NRXN3: variants seen among roughly 807,000 people sequenced by gnomAD.
NRXN3 encodes the protein neurexin III.
NRXN3 carries 32 observed loss-of-function variants against 137.6 expected under a neutral mutation model. The ratio of observed to expected loss-of-function variants is 0.23; its 90% CI spans 0.18 to 0.31. NRXN3 has a LOEUF of 0.31. Among genes scored for constraint, NRXN3 ranks in the 10% least tolerant of loss-of-function variants. NRXN3 has a pLI of 1.00. For synonymous variants in NRXN3, 798 were observed against 784.5 expected (o/e 1.02, Z -0.29); for missense variants, 1,574 against 2,062.5 (o/e 0.76, Z 4.59).
At chr14:79,657,363 C>G (rs1414368578) in intron 16 of NRXN3, among the ~76,000 whole-genome samples, 2 of 152,174 alleles carry the variant, frequency 1.3e-5, no homozygotes, top group Non-Finnish European at 2.9e-5. Flanking sequence ...CACACTTCAG[C>G]TTCTCAAGGG....
chr14:79,537,999 T>C (rs2097230666), intron 16 of NRXN3, among the ~76,000 whole-genome samples: 1 of 152,208 alleles, frequency 6.6e-6, no homozygotes, highest in African/African-American at 2.4e-5. Context: ...TGGTATGAGA[T>C]GGTGTCTCAT....
chr14:79,446,961 T>A (rs989091060), intron 15 of NRXN3, among the ~76,000 whole-genome samples: 4 of 152,218 alleles, frequency 2.6e-5, no homozygotes, highest in African/African-American at 9.7e-5. Context: ...CTTGCATTAC[T>A]GAAATTTTAT....
chr14:79,361,859 G>A (rs1202840665), intron 15 of NRXN3, among the ~76,000 whole-genome samples: 2 of 152,056 alleles, frequency 1.3e-5, no homozygotes, highest in Non-Finnish European at 2.9e-5. Flanking sequence ...AATGGAATGG[G>A]AGGGCTAACA....
At chr14:79,734,932 T>G (rs1427234361) in intron 19 of NRXN3, among the ~76,000 whole-genome samples, 1 of 152,192 alleles carries the variant, frequency 6.6e-6, no homozygotes, top group Non-Finnish European at 1.5e-5. Context: ...AAAGCCTCAG[T>G]TGAAGAATTC....
At chr14:78,504,157 C>A (rs1012649030) in intron 4 of NRXN3, among the ~76,000 whole-genome samples, 1 of 152,132 alleles carries the variant, frequency 6.6e-6, no homozygotes, top group Non-Finnish European at 1.5e-5. Flanking sequence ...CCTGAGACTA[C>A]GTTATGTGGA....
chr14:78,713,943 C>T (rs2098420437), intron 7 of NRXN3, among the ~76,000 whole-genome samples: 1 of 152,150 alleles, frequency 6.6e-6, no homozygotes, highest in African/African-American at 2.4e-5. Context: ...CACAGCCAAA[C>T]CATATCATTT....
At chr14:78,265,651 A>G (rs2071566800) in intron 2 of NRXN3, among the ~76,000 whole-genome samples, 2 of 152,002 alleles carry the variant, frequency 1.3e-5, no homozygotes, top group African/African-American at 4.8e-5. Context: ...CTTCTCCCAG[A>G]CTCCCAGTCC....
At chr14:78,560,956 A>C (rs922603206) in intron 4 of NRXN3, among the ~76,000 whole-genome samples, 1 of 152,226 alleles carries the variant, frequency 6.6e-6, no homozygotes, top group Non-Finnish European at 1.5e-5. Context: ...GCTTTTTCGC[A>C]TCATGGTGAT....
chr14:78,804,297 A>C, intron 9 of NRXN3, among the ~76,000 whole-genome samples: 1 of 152,198 alleles, frequency 6.6e-6, no homozygotes, highest in East Asian at 1.9e-4. Flanking sequence ...CTAGCTCCAC[A>C]GCTACTATTC....
At chr14:78,547,049 A>G (rs2096642552) in intron 4 of NRXN3, among the ~76,000 whole-genome samples, 1 of 152,128 alleles carries the variant, frequency 6.6e-6, no homozygotes. Context: ...TTTTCTTGTC[A>G]TTTATTAAAT....
At chr14:79,851,259 G>A (rs2099390766) in intron 20 of NRXN3, among the ~76,000 whole-genome samples, 1 of 152,018 alleles carries the variant, frequency 6.6e-6, no homozygotes, top group Admixed American at 6.6e-5. Context: ...TTTTGAGACC[G>A]ACCATATATG....
At position 79,007,805 on chromosome 14, in the gene NRXN3, CAAAAAAAAAAAA is replaced by C. The variant is rs1160867331; in HGVS notation, c.3262+19676_3262+19687del. ...TGGATGACAGAGCTAGACTCCATCTCAAAAAAAAAAAAAAAAAAAAAAAGCAGAAAAATGTGT... is the reference window on the plus strand; with the variant it reads ...TGGATGACAGAGCTAGACTCCATCTCAAAAAAAAAAAGCAGAAAAATGTGT... On this transcript the variant is annotated intron_variant, in intron 15 of 20. Coordinates refer to ENST00000335750, the MANE Select transcript of NRXN3 (RefSeq NM_001330195.2). Among the ~76,000 whole-genome samples the C allele has an allele frequency of 1.1e-4, 4 of 37,992 alleles. No individual in the cohort carries two copies. The South Asian group carries it at 3.1e-3, about 30-fold the overall frequency. 24.9% of individuals were successfully genotyped at this position (37,992 alleles called of 152,430 possible). A position where few individuals can be genotyped will look rare whatever the true frequency, so the allele number is the denominator to read the frequency against.
rs1273890106 is a variant in NRXN3 at position 79,867,089 on chromosome 14, A to T, written c.*5125A>T. ...TTTCTAATTGTGTTTATTACAAAGA[A>T]AACAGACCCGAAGAACTTAAATGAC... On this transcript the variant is annotated 3_prime_UTR_variant, in exon 21 of 21. Coordinates refer to ENST00000335750, the MANE Select transcript of NRXN3 (RefSeq NM_001330195.2). 6.6e-6 allele frequency: 1 copy of T among 152,252 alleles called. No individual in the cohort carries two copies. The allele number at this position is 152,252 out of a possible 1,614,324, so 9.4% of individuals were successfully genotyped here. A position where few individuals can be genotyped will look rare whatever the true frequency, so the allele number is the denominator to read the frequency against.
intron 8 of NRXN3, among the ~76,000 whole-genome samples, chr14:78,735,648 A>T (rs1341736265): frequency 1.3e-5 from 2 of 152,188 alleles, no homozygotes; most frequent in African/African-American, 4.8e-5. Flanking sequence ...GGGATCAAGC[A>T]GGAGAGGTAG....
intron 4 of NRXN3, among the ~76,000 whole-genome samples, chr14:78,397,372 T>C (rs1354396048): frequency 6.6e-6 from 1 of 152,176 alleles, no homozygotes; most frequent in Non-Finnish European, 1.5e-5. Context: ...TGCTGCTGTT[T>C]AGATTGGGTA....
chr14:78,378,251 G>A (rs1441250019), intron 4 of NRXN3, among the ~76,000 whole-genome samples: 1 of 152,140 alleles, frequency 6.6e-6, no homozygotes, highest in East Asian at 1.9e-4. Flanking sequence ...TTGGGAGGCC[G>A]AGGTGGATGG....
intron 10 of NRXN3, among the ~76,000 whole-genome samples, chr14:78,826,073 A>C (rs570925931): frequency 2.7e-4 from 41 of 152,342 alleles, no homozygotes; most frequent in African/African-American, 9.9e-4. Flanking sequence ...CTTGTACCAG[A>C]TAATGTTTTC....
intron 15 of NRXN3, among the ~76,000 whole-genome samples, chr14:79,126,327 G>A (rs71414782): frequency 3.0e-5 from 2 of 66,470 alleles, no homozygotes; most frequent in African/African-American, 5.7e-5. Flanking sequence ...CCTCCCCCCC[G>A]CCCCACCCCA....
intron 20 of NRXN3, among the ~76,000 whole-genome samples, chr14:79,829,584 ATTGT>A (rs2099316503): frequency 1.3e-5 from 2 of 152,186 alleles, no homozygotes; most frequent in African/African-American, 4.8e-5. Context: ...TTATAAATGA[ATTGT>A]TTAATTACCC....
Sources: gnomAD v4.1 joint callset for allele counts (sites outside exome capture counted in the v4.1 genomes callset) on GRCh38, gnomAD v4.1.1 for gene constraint, MANE v1.5 for transcripts, NCBI Gene and HGNC (gene_info 2026-07-23, HGNC 2026-07-21) for gene names.